ALS2: variants seen among roughly 807,000 people sequenced by gnomAD.
ALS2 encodes alsin.
ALS2 carries 117 observed loss-of-function variants against 203.4 expected under a neutral mutation model. The observed-to-expected ratio is 0.58, with a 90% CI of 0.50 to 0.67. ALS2 has a LOEUF of 0.67. ALS2 is among the 30% of genes least tolerant of loss of function. The probability of loss-of-function intolerance (pLI) is 0.00; values close to 1 mark genes in which losing one functional copy is unlikely to be tolerated. For synonymous variants in ALS2, 718 were observed against 725.9 expected, an observed-to-expected ratio of 0.99 and a Z score of 0.17; for missense variants, 1,715 against 1,989.4, an observed-to-expected ratio of 0.86 and a Z score of 2.62.
chr2:201,767,112 A>G (rs1694128505), intron 3 of ALS2, 117 bp downstream of exon 3: 2 of 1,208,136 alleles, frequency 1.7e-6, no homozygotes, highest in Non-Finnish European at 2.3e-6. Context: ...ATTTAAAAAA[A>G]AAAGAAAGAA....
Position 201,715,747 on chromosome 2 carries a change from C to G in ALS2, c.3929G>C (p.Gly1310Ala), listed in dbSNP as rs559864779. ...CCATGCTTTCCAAACTTCCCCTTGG[C>G]CTGGGCCCTCACAGCCCAGTTGGCG... ...CWRQLGCEGPGQGEVWKAWDN... is the reference protein window; with the variant it reads ...CWRQLGCEGPAQGEVWKAWDN... Residue 1310 changes from glycine to alanine, a missense_variant, in exon 25 of 34, where the codon GGC (glycine) becomes GCC (alanine). By Grantham distance (60) the Gly-to-Ala change is moderately conservative. Coordinates refer to ENST00000264276, the MANE Select transcript of ALS2 (RefSeq NM_020919.4). 6.2e-7 allele frequency: 1 copy of G among 1,614,234 alleles called. No individual in the cohort carries two copies. The highest frequency in any genetic ancestry group is 1.1e-5 in the South Asian group (1 of 91,084).
intron 23 of ALS2, chr2:201,722,083 A>G (rs1351012389): frequency 6.6e-6 from 1 of 152,244 alleles, no homozygotes; most frequent in African/African-American, 2.4e-5. Flanking sequence ...AGACTGCAAG[A>G]AAATATTTAC....
At chr2:201,738,577 G>A in intron 12 of ALS2, 93 bp downstream of exon 12, 1 of 1,254,266 alleles carries the variant, frequency 8.0e-7, no homozygotes, top group Admixed American at 1.7e-5. Flanking sequence ...AAATGATGAA[G>A]TCAAAGCTTT....
At chr2:201,753,114 T>C in intron 7 of ALS2, 32 bp downstream of exon 7, 1 of 1,555,978 alleles carries the variant, frequency 6.4e-7, no homozygotes, top group Non-Finnish European at 8.9e-7. Flanking sequence ...TCCATGAAAA[T>C]AAGGTAAAGC....
Position 201,727,720 on chromosome 2 carries a change from T to C in ALS2, c.2897A>G (p.Glu966Gly). ...LATLWAEPLS[E>G]EAGGVNGLKI... ...ACGCACTTACACACCACCAGCTTCT[T>C]CAGACAGTGGCTCTGCCCACAGCGT... The change falls in exon 16 of 34, where the codon GAA (glutamate) becomes GGA (glycine). Residue 966 changes from glutamate to glycine, a missense_variant. Physicochemically the swap from Glu to Gly is moderately conservative, Grantham distance 98. Coordinates refer to ENST00000264276, the MANE Select transcript of ALS2 (RefSeq NM_020919.4). 2 of 1,551,686 alleles carry C rather than the reference T, an allele frequency of 1.3e-6. No individual in the cohort carries two copies. The highest frequency in any genetic ancestry group is 1.7e-6 in the Non-Finnish European group (2 of 1,147,006).
At chr2:201,723,232 A>T (rs41309052) in intron 22 of ALS2, 98 bp downstream of exon 22, 1 of 1,383,502 alleles carries the variant, frequency 7.2e-7, no homozygotes, top group Non-Finnish European at 1.0e-6. Context: ...GGAAAATAGT[A>T]CTAAGAAGGT....
intron 24 of ALS2, among the ~76,000 whole-genome samples, chr2:201,717,639 G>GAA (rs59265308): frequency 2.6e-4 from 30 of 116,004 alleles, no homozygotes; most frequent in African/African-American, 6.6e-4. Context: ...TCTTGTTTAA[G>GAA]AAAAAAAAAA....
rs561164552 is a variant in ALS2, at chr2:201,772,101, T to C, written c.-60-3156A>G. Among the ~76,000 whole-genome samples, 9 of 152,340 alleles carry C rather than the reference T, an allele frequency of 5.9e-5. No individual in the cohort carries two copies. In the South Asian group the frequency reaches 1.9e-3, roughly 32 times the overall value. On this transcript the variant is annotated intron_variant, in intron 1 of 33. Transcript: ENST00000264276. ...TTATTATCTCCTTCACAGTGATATG[T>C]AAAGTAACAAAACCCCAGGGGGCCC...
intron 12 of ALS2, 114 bp from the exon 13 acceptor site, chr2:201,733,552 CT>C (rs1691702786): frequency 1.1e-6 from 1 of 892,270 alleles, no homozygotes; most frequent in African/African-American, 1.7e-5. Context: ...TTTTTAGGTG[CT>C]GTGAAAGTAG....
intron 23 of ALS2, among the ~76,000 whole-genome samples, chr2:201,720,861 T>C (rs1690746160): frequency 6.6e-6 from 1 of 151,936 alleles, no homozygotes; most frequent in East Asian, 1.9e-4. Flanking sequence ...GAAAAAGAAA[T>C]AAAAGCCTTC....
In ALS2 at chr2:201,706,147, AGGCC is replaced by A. The variant is rs377037885; in HGVS notation, c.4581-690_4581-687del. 7.6e-3 allele frequency among the ~76,000 whole-genome samples: 1,163 copies of A among 152,280 alleles called. 12 individuals carry two copies. The highest frequency in any genetic ancestry group is 0.027 in the African/African-American group (1,129 of 41,562). ...ACACCTGTAATCCCAGCACGTTGGG[AGGCC>A]GAGGCGAGCAGATCACTTGAGGCAA... On this transcript the variant is annotated intron_variant, in intron 29 of 33. Coordinates refer to ENST00000264276, the MANE Select transcript of ALS2 (RefSeq NM_020919.4).
chr2:201,755,022 C>T (rs1693294190), intron 5 of ALS2, among the ~76,000 whole-genome samples: 1 of 152,164 alleles, frequency 6.6e-6, no homozygotes, highest in South Asian at 2.1e-4. Context: ...CATCTAGTGA[C>T]ATCCTATAGA....
rs555506574 is a variant in ALS2, at chr2:201,703,715, GA to G, written c.4935+406del. Among the ~76,000 whole-genome samples the G allele has an allele frequency of 2.6e-5, 4 of 152,284 alleles. No individual in the cohort carries two copies. The South Asian group carries it at 8.3e-4, about 32-fold the overall frequency. On this transcript the variant is annotated intron_variant, in intron 33 of 33. Coordinates refer to ENST00000264276, the MANE Select transcript of ALS2 (RefSeq NM_020919.4). ...TTGGTTACAGTAAATACAAGGCAAAGAAAGAAGATGGAATTCAAATTCATTA... is the reference window on the plus strand; with the variant it reads ...TTGGTTACAGTAAATACAAGGCAAAGAAGAAGATGGAATTCAAATTCATTA...
intron 23 of ALS2, among the ~76,000 whole-genome samples, chr2:201,720,338 A>C (rs897686706): frequency 1.3e-5 from 2 of 152,066 alleles, no homozygotes; most frequent in African/African-American, 4.8e-5. Flanking sequence ...AATATAATAC[A>C]CCATATTAGT....
chr2:201,764,629 G>A (rs149565436), intron 3 of ALS2, among the ~76,000 whole-genome samples: 26 of 136,606 alleles, frequency 1.9e-4, no homozygotes, highest in Admixed American at 1.2e-3. Context: ...GCGAGACTCC[G>A]TCTCAAAATA....
intron 28 of ALS2, 21 bp downstream of exon 28, chr2:201,707,848 T>C (rs1393310502): frequency 6.2e-7 from 1 of 1,611,658 alleles, no homozygotes; most frequent in Middle Eastern, 1.7e-4. Flanking sequence ...TTCTTCACTG[T>C]CCCCACCCAA....
At chr2:201,772,679 AG>A (rs1694454629) in intron 1 of ALS2, among the ~76,000 whole-genome samples, 1 of 152,202 alleles carries the variant, frequency 6.6e-6, no homozygotes, top group Non-Finnish European at 1.5e-5. Context: ...ATAAAGGACC[AG>A]GAATCTATAT....
intron 1 of ALS2, among the ~76,000 whole-genome samples, chr2:201,775,677 G>C (rs1027239360): frequency 6.6e-6 from 1 of 152,030 alleles, no homozygotes; most frequent in Non-Finnish European, 1.5e-5. Context: ...AGGCCACTTG[G>C]AACCCCACGC....
In ALS2 at chr2:201,744,380, A is replaced by G. The variant is rs1424183371; in HGVS notation, c.2048T>C (p.Leu683Ser). ...VTAGKDSYLA[L>S]VDKNIMGYIA... ...ATACCCCATAATGTTTTTATCCACC[A>G]AGGCTAAATAGCTATCTTTTCCTGC... is the stretch of plus-strand genomic sequence containing the variant. The change falls in exon 10 of 34, where the codon TTG becomes TCG. Residue 683 changes from leucine to serine, a missense_variant. Physicochemically the swap from Leu to Ser is moderately radical, Grantham distance 145. Around this residue, in one of 3 missense-constraint regions of ALS2, gnomAD observed 1,227 missense variants for 1,413.5 expected, o/e 0.87. Transcript: ENST00000264276. 5.0e-6 allele frequency: 8 copies of G among 1,614,014 alleles called. No homozygotes were observed. Among genetic ancestry groups the G allele is most frequent in the Non-Finnish European group, 5.9e-6 (7 of 1,180,012 alleles).
Sources: gnomAD v4.1 joint callset for allele counts (sites outside exome capture counted in the v4.1 genomes callset) on GRCh38, gnomAD v4.1.1 for gene constraint, gnomAD v4.1.1 regional missense constraint, MANE v1.5 for transcripts, NCBI Gene and HGNC (gene_info 2026-07-23, HGNC 2026-07-21) for gene names.